The following SAMD5 variants were observed in gnomAD, a reference collection of about 807,000 sequenced individuals.
SAMD5 encodes the protein sterile alpha motif domain-containing protein 5.
SAMD5 carries 13 observed loss-of-function variants against 11.3 expected under a neutral mutation model. The observed-to-expected ratio is 1.15, with a 90% CI of 0.75 to 1.83. The LOEUF is 1.83. SAMD5 is among the 40% of genes most tolerant of loss of function. The pLI, the probability that SAMD5 is intolerant of heterozygous loss-of-function variation, is 0.00. For missense variants in SAMD5, 255 were observed against 239.1 expected (o/e 1.07, Z -0.44); for synonymous variants, 129 against 111.3 (o/e 1.16, Z -1.00).
intron 1 of SAMD5, among the ~76,000 whole-genome samples, chr6:147,725,472 T>C (rs1583154946): frequency 1.3e-5 from 2 of 149,028 alleles, no homozygotes. Flanking sequence ...CGCTGCAACC[T>C]CTGCTTCCTG....
the SAMD5 span, among the ~76,000 whole-genome samples, chr6:147,873,375 C>CAA: frequency 1.9e-5 from 2 of 105,676 alleles, no homozygotes; most frequent in Admixed American, 1.0e-4. Flanking sequence ...GACTCCATCT[C>CAA]AAAAAAAAAA....
At chr6:147,809,820 T>G in the SAMD5 span, among the ~76,000 whole-genome samples, 1 of 152,230 alleles carries the variant, frequency 6.6e-6, no homozygotes, top group African/African-American at 2.4e-5. Flanking sequence ...GTAAAATGTT[T>G]AGCAGCCTTG....
At chr6:147,641,357 C>T (rs536739816) in intron 1 of SAMD5, among the ~76,000 whole-genome samples, 4 of 152,170 alleles carry the variant, frequency 2.6e-5, no homozygotes, top group Admixed American at 1.3e-4. Flanking sequence ...TCATTGGCTA[C>T]GGTGAAGTCA....
At chr6:147,739,585 G>A (rs1791850180), downstream of SAMD5, among the ~76,000 whole-genome samples, 2 of 152,236 alleles carry the variant, frequency 1.3e-5, no homozygotes, top group South Asian at 4.1e-4. Flanking sequence ...GCCACAGAGT[G>A]AGACCCTGTC....
chr6:147,646,012 ATG>A (rs1790391835), intron 1 of SAMD5, among the ~76,000 whole-genome samples: 1 of 27,742 alleles, frequency 3.6e-5, no homozygotes, highest in Non-Finnish European at 1.1e-4. Flanking sequence ...CTGTCTGTCT[ATG>A]TATCTATCTA....
chr6:147,855,793 T>C, the SAMD5 span, among the ~76,000 whole-genome samples: 13 of 152,110 alleles, frequency 8.5e-5, no homozygotes, highest in African/African-American at 3.1e-4. Context: ...ATTCTGCCTA[T>C]AAAAAACAAA....
chr6:147,886,690 C>T, the SAMD5 span, among the ~76,000 whole-genome samples: 2 of 152,082 alleles, frequency 1.3e-5, no homozygotes, highest in African/African-American at 4.8e-5. Flanking sequence ...TTATGAACTG[C>T]CAATGGAAAG....
At chr6:147,775,016 G>A in the SAMD5 span, among the ~76,000 whole-genome samples, 22 of 152,078 alleles carry the variant, frequency 1.4e-4, no homozygotes, top group African/African-American at 5.1e-4. Flanking sequence ...AAGCCAGGAG[G>A]GGGCGACCTC....
At chr6:147,752,744 A>T in the SAMD5 span, among the ~76,000 whole-genome samples, 3 of 152,184 alleles carry the variant, frequency 2.0e-5, no homozygotes, top group Non-Finnish European at 4.4e-5. Context: ...CTCATGGCAC[A>T]CTTATGGAAT....
chr6:147,712,250 A>G lies in SAMD5; in HGVS notation c.163-25067A>G, dbSNP rs548957360. ...AGCCATTCTGGAGTTTTAGCTTTAC[A>G]AAGTTAACCTCCCACTTCTGTGCCA... is the stretch of plus-strand genomic sequence containing the variant. On this transcript the variant is annotated intron_variant, in intron 1 of 1. Coordinates refer to the SAMD5 transcript ENST00000566741. Among the ~76,000 whole-genome samples the G allele has an allele frequency of 5.3e-5, 8 of 152,338 alleles. No homozygotes were observed. The South Asian group carries it at 1.5e-3, about 28-fold the overall frequency.
the SAMD5 span, among the ~76,000 whole-genome samples, chr6:147,927,760 G>T: frequency 2.6e-5 from 4 of 152,186 alleles, no homozygotes; most frequent in Admixed American, 6.5e-5. Context: ...CAAGGGGAAT[G>T]CTTACAGCTT....
chr6:147,734,216 T>C (rs2128460227), intron 1 of SAMD5, among the ~76,000 whole-genome samples: 1 of 152,340 alleles, frequency 6.6e-6, no homozygotes, highest in East Asian at 1.9e-4. Context: ...AAAATCATTA[T>C]GAAGGTTCTG....
At chr6:147,931,601 T>C in the SAMD5 span, among the ~76,000 whole-genome samples, 3 of 151,678 alleles carry the variant, frequency 2.0e-5, no homozygotes, top group African/African-American at 4.8e-5. Context: ...TGCATTTCTC[T>C]CTTTGATACA....
intron 1 of SAMD5, among the ~76,000 whole-genome samples, chr6:147,557,865 C>G (rs1312243023): frequency 6.6e-6 from 1 of 152,154 alleles, no homozygotes; most frequent in African/African-American, 2.4e-5. Context: ...GCAGTTTGAC[C>G]CTGGTAGGTT....
chr6:147,873,779 T>A, the SAMD5 span, among the ~76,000 whole-genome samples: 10 of 152,230 alleles, frequency 6.6e-5, no homozygotes, highest in Admixed American at 6.5e-4. Flanking sequence ...TACTTTCTTT[T>A]TATCAGATTT....
chr6:147,739,458 C>T (rs186624433), downstream of SAMD5, among the ~76,000 whole-genome samples: 18 of 152,158 alleles, frequency 1.2e-4, no homozygotes, highest in African/African-American at 3.6e-4. Flanking sequence ...ATTAGCCAGG[C>T]GTAGTGGCAT....
At chr6:147,770,723 A>G in the SAMD5 span, among the ~76,000 whole-genome samples, 1 of 152,194 alleles carries the variant, frequency 6.6e-6, no homozygotes, top group Non-Finnish European at 1.5e-5. Context: ...TTATTTTTTT[A>G]TAATTATAGG....
the SAMD5 span, among the ~76,000 whole-genome samples, chr6:147,826,609 G>A: frequency 0.045 from 6,861 of 152,188 alleles, 183 homozygotes; most frequent in African/African-American, 0.061. Flanking sequence ...TTTCTCATCT[G>A]GTGTCTAGTC....
intron 1 of SAMD5, among the ~76,000 whole-genome samples, chr6:147,610,917 T>C (rs890936701): frequency 4.0e-5 from 6 of 151,000 alleles, no homozygotes; most frequent in Admixed American, 2.0e-4. Context: ...TTGCCCAGGC[T>C]GGAGTACAGT....
Sources: allele counts gnomAD v4.1 joint callset (sites outside exome capture counted in the v4.1 genomes callset), GRCh38; gene constraint gnomAD v4.1.1; transcripts MANE v1.5; gene names NCBI Gene and HGNC (gene_info 2026-07-23, HGNC 2026-07-21).